The following PDE1C variants were observed in gnomAD, a reference collection of about 807,000 sequenced individuals.
The protein encoded by PDE1C is dual specificity calcium/calmodulin-dependent 3',5'-cyclic nucleotide phosphodiesterase 1C.
In PDE1C, 62 loss-of-function variants were observed where a neutral mutation model predicts 93.1. The observed-to-expected ratio is 0.67, with a 90% CI of 0.54 to 0.82. The LOEUF (loss-of-function observed/expected upper bound fraction) is 0.82. Among genes scored for constraint, PDE1C ranks in the 40% least tolerant of loss-of-function variants. The probability of loss-of-function intolerance (pLI) is 0.00; values close to 1 mark genes in which losing one functional copy is unlikely to be tolerated. For missense variants in PDE1C, 742 were observed against 884.6 expected (o/e 0.84, Z 2.04); for synonymous variants, 325 against 310.1 (o/e 1.05, Z -0.50).
At chr7:32,312,996 C>G (rs948820893) in intron 1 of PDE1C, among the ~76,000 whole-genome samples, 1 of 152,042 alleles carries the variant, frequency 6.6e-6, no homozygotes, top group Non-Finnish European at 1.5e-5. Flanking sequence ...ATTTTCCCAA[C>G]CTACTCATCT....
At chr7:31,849,073 T>C (rs538187448) in intron 8 of PDE1C, among the ~76,000 whole-genome samples, 3 of 152,304 alleles carry the variant, frequency 2.0e-5, no homozygotes, top group East Asian at 1.9e-4. Context: ...ACTGAACACA[T>C]TGGAATTTTC....
the PDE1C span, among the ~76,000 whole-genome samples, chr7:31,687,560 T>C: frequency 6.6e-6 from 1 of 152,206 alleles, no homozygotes; most frequent in Non-Finnish European, 1.5e-5. Context: ...AGTTGGTGTA[T>C]CTGCATATTC....
intron 2 of PDE1C, among the ~76,000 whole-genome samples, chr7:31,883,174 T>C (rs1435464723): frequency 1.3e-5 from 2 of 152,218 alleles, no homozygotes; most frequent in African/African-American, 4.8e-5. Flanking sequence ...TATCTACATC[T>C]ACAGAGTTAC....
intron 17 of PDE1C, among the ~76,000 whole-genome samples, chr7:31,766,413 A>G (rs1270477756): frequency 6.6e-6 from 1 of 152,138 alleles, no homozygotes; most frequent in Non-Finnish European, 1.5e-5. Context: ...ATATAAAATC[A>G]TTTAAGCATA....
chr7:32,344,486 T>A lies in PDE1C; in HGVS notation c.310+83336A>T, dbSNP rs73316155. Among the ~76,000 whole-genome samples, 164 of 152,344 alleles carry A rather than the reference T, an allele frequency of 1.1e-3. 1 individual carries two copies. Among genetic ancestry groups the A allele is most frequent in the African/African-American group, 3.6e-3 (149 of 41,592 alleles). On this transcript the variant is annotated intron_variant, in intron 1 of 1. Coordinates refer to the PDE1C transcript ENST00000672256. ...CTGCCTCGCTTTTCCTTGTTCATTCTACCCTGACCTCACATAAATCCTTGA... is the reference window on the plus strand; with the variant it reads ...CTGCCTCGCTTTTCCTTGTTCATTCAACCCTGACCTCACATAAATCCTTGA...
At chr7:31,695,335 A>G in the PDE1C span, 12 of 725,702 alleles carry the variant, frequency 1.7e-5, no homozygotes, top group South Asian at 2.8e-5. Flanking sequence ...ATAGGCCACA[A>G]TAAATAAACA....
the PDE1C span, chr7:31,707,331 G>C: frequency 4.8e-4 from 719 of 1,503,030 alleles, 6 homozygotes; most frequent in African/African-American, 5.6e-3. Flanking sequence ...TTGGTTCCCT[G>C]TGGTGACCTA....
chr7:31,915,090 T>A (rs1801712295), intron 2 of PDE1C, among the ~76,000 whole-genome samples: 2 of 152,206 alleles, frequency 1.3e-5, no homozygotes, highest in African/African-American at 4.8e-5. Context: ...CCATCATCCC[T>A]CTGGAACCAA....
intron 1 of PDE1C, among the ~76,000 whole-genome samples, chr7:32,264,742 T>C (rs966406815): frequency 6.6e-6 from 1 of 152,212 alleles, no homozygotes; most frequent in African/African-American, 2.4e-5. Flanking sequence ...CTATCTGTCC[T>C]GGAGTGATGA....
intron 2 of PDE1C, among the ~76,000 whole-genome samples, chr7:31,986,618 G>C (rs6961492): frequency 0.015 from 2,277 of 152,108 alleles, 56 homozygotes; most frequent in African/African-American, 0.051. Context: ...ACAGAGAGAA[G>C]GCCATGTGAA....
chr7:31,843,173 T>C (rs182129016), intron 9 of PDE1C, among the ~76,000 whole-genome samples: 527 of 152,130 alleles, frequency 3.5e-3, no homozygotes, highest in African/African-American at 0.012. Flanking sequence ...AATATGTATA[T>C]TGCAGTTGTT....
the PDE1C span, among the ~76,000 whole-genome samples, chr7:31,734,177 G>A: frequency 1.3e-5 from 2 of 152,120 alleles, no homozygotes; most frequent in African/African-American, 2.4e-5. Flanking sequence ...GTGTGATGCC[G>A]AGTAACACAC....
chr7:31,813,265 G>A (rs1787770959), intron 15 of PDE1C, among the ~76,000 whole-genome samples: 3 of 152,016 alleles, frequency 2.0e-5, no homozygotes, highest in Admixed American at 1.3e-4. Context: ...TGCACAGCCC[G>A]GCCCAGCCAC....
the PDE1C span, among the ~76,000 whole-genome samples, chr7:31,721,031 ATG>A: frequency 6.6e-6 from 1 of 152,174 alleles, no homozygotes; most frequent in Non-Finnish European, 1.5e-5. Context: ...GCATGATTGT[ATG>A]TGTGTATGAC....
At chr7:32,288,654 A>C (rs767779161) in intron 1 of PDE1C, among the ~76,000 whole-genome samples, 4 of 152,226 alleles carry the variant, frequency 2.6e-5, no homozygotes, top group Non-Finnish European at 5.9e-5. Context: ...TACAATTTGA[A>C]AAGCTAAAGT....
intron 2 of PDE1C, among the ~76,000 whole-genome samples, chr7:31,984,520 C>T (rs758588598): frequency 6.6e-6 from 1 of 152,178 alleles, no homozygotes; most frequent in Non-Finnish European, 1.5e-5. Context: ...CCTCTCACCA[C>T]ACGCCCAACA....
the PDE1C span, among the ~76,000 whole-genome samples, chr7:31,694,713 CA>C: frequency 6.6e-6 from 1 of 152,070 alleles, no homozygotes; most frequent in African/African-American, 2.4e-5. Flanking sequence ...AGGCAGAACA[CA>C]AAGGATAGAG....
chr7:31,921,373 C>G (rs1802601150), intron 2 of PDE1C, among the ~76,000 whole-genome samples: 2 of 152,144 alleles, frequency 1.3e-5, no homozygotes, highest in Non-Finnish European at 2.9e-5. Context: ...AGTTTCTAGT[C>G]TGTAGAGAGT....
chr7:31,951,895 A>T lies in PDE1C; in HGVS notation c.129-71035T>A, dbSNP rs117105370. 3.8e-3 allele frequency among the ~76,000 whole-genome samples: 585 copies of T among 152,276 alleles called. 2 individuals are homozygous for T. The highest frequency in any genetic ancestry group is 6.4e-3 in the Non-Finnish European group (437 of 68,030). ...ACACCCCCTTCCCTCTTCCACAAGG[A>T]GATACCAGCTTACAGTTCCACTTGC... On this transcript the variant is annotated intron_variant, in intron 2 of 17. Coordinates refer to ENST00000396191, the MANE Select transcript of PDE1C (RefSeq NM_001191057.4).
Sources: allele counts gnomAD v4.1 joint callset (sites outside exome capture counted in the v4.1 genomes callset), GRCh38; gene constraint gnomAD v4.1.1; transcripts MANE v1.5; gene names NCBI Gene and HGNC (gene_info 2026-07-23, HGNC 2026-07-21).